The following ENOX1 variants were observed in gnomAD, a reference collection of about 807,000 sequenced individuals.
ENOX1 encodes ecto-NOX disulfide-thiol exchanger 1, also known as candidate growth-related and time keeping constitutive hydroquinone (NADH) oxidase.
ENOX1 carries 42 observed loss-of-function variants against 82.5 expected under a neutral mutation model. The ratio of observed to expected loss-of-function variants is 0.51; its 90% CI spans 0.40 to 0.66. The LOEUF (loss-of-function observed/expected upper bound fraction) is 0.66, where lower values mean the gene tolerates loss of function less well. Among genes scored for constraint, ENOX1 ranks in the 30% least tolerant of loss-of-function variants. The pLI is 0.00. For missense variants in ENOX1, 608 were observed against 811.6 expected (o/e 0.75, Z 3.05); for synonymous variants, 271 against 282.2 (o/e 0.96, Z 0.40).
At chr13:43,354,956 C>T (rs1490741373) in intron 8 of ENOX1, among the ~76,000 whole-genome samples, 1 of 152,216 alleles carries the variant, frequency 6.6e-6, no homozygotes, top group African/African-American at 2.4e-5. Flanking sequence ...GCACTGGCCC[C>T]TGAGTCCCCA....
intron 1 of ENOX1, among the ~76,000 whole-genome samples, chr13:43,777,356 T>A (rs1171552806): frequency 1.3e-5 from 2 of 152,092 alleles, no homozygotes; most frequent in African/African-American, 4.8e-5. Context: ...AATATAATAG[T>A]CCATAAAAGT....
At chr13:43,689,498 G>A (rs2086244636) in intron 1 of ENOX1, among the ~76,000 whole-genome samples, 1 of 152,150 alleles carries the variant, frequency 6.6e-6, no homozygotes, top group South Asian at 2.1e-4. Flanking sequence ...ACATTATTTG[G>A]TGCCTCTGAT....
intron 1 of ENOX1, among the ~76,000 whole-genome samples, chr13:43,761,966 T>C (rs1307261148): frequency 1.3e-5 from 2 of 152,186 alleles, no homozygotes; most frequent in Admixed American, 6.5e-5. Flanking sequence ...TTGTCTGCTT[T>C]TTCTAAACCA....
At chr13:43,312,838 C>T (rs957178453) in intron 11 of ENOX1, among the ~76,000 whole-genome samples, 7 of 152,038 alleles carry the variant, frequency 4.6e-5, no homozygotes, top group African/African-American at 1.5e-4. Context: ...AGCAAATCTC[C>T]TTCTAGGTAG....
At chr13:43,458,599 T>C (rs746110571) in intron 3 of ENOX1, 23 of 152,212 alleles carry the variant, frequency 1.5e-4, no homozygotes, top group Non-Finnish European at 2.9e-4. Context: ...TATATTGCTA[T>C]CTACTTTTAT....
In ENOX1 at chr13:43,781,722, G is replaced by T. The variant is rs545526131; in HGVS notation, c.-285+4930C>A. 3.0e-4 allele frequency among the ~76,000 whole-genome samples: 45 copies of T among 152,232 alleles called. 1 individual carries two copies. The South Asian group carries it at 9.1e-3, about 31-fold the overall frequency. ...GACGGGGTTTCTCCATGTTGGTCAG[G>T]CTGGTCTTGAACTCCCGACATCAGG... is the stretch of plus-strand genomic sequence containing the variant. On this transcript the variant is annotated intron_variant, in intron 1 of 16. Coordinates refer to ENST00000690772, the MANE Select transcript of ENOX1 (RefSeq NM_001347969.2).
intron 2 of ENOX1, among the ~76,000 whole-genome samples, chr13:43,526,139 T>C (rs1240649317): frequency 1.3e-5 from 2 of 152,154 alleles, no homozygotes; most frequent in Non-Finnish European, 2.9e-5. Context: ...TACTATTTGG[T>C]ATCACTTTTC....
At chr13:43,777,248 C>T (rs894980444) in intron 1 of ENOX1, among the ~76,000 whole-genome samples, 12 of 152,238 alleles carry the variant, frequency 7.9e-5, no homozygotes, top group African/African-American at 2.9e-4. Context: ...CTCTGTTACG[C>T]TTTCTTCAGT....
intron 2 of ENOX1, among the ~76,000 whole-genome samples, chr13:43,486,757 T>A (rs2076436357): frequency 1.3e-5 from 2 of 152,196 alleles, no homozygotes; most frequent in South Asian, 4.1e-4. Flanking sequence ...ACTAAAACTG[T>A]ATAACTTAGC....
intron 1 of ENOX1, among the ~76,000 whole-genome samples, chr13:43,743,148 A>T (rs1209216501): frequency 6.6e-6 from 1 of 152,200 alleles, no homozygotes; most frequent in African/African-American, 2.4e-5. Context: ...GAACAAGTTC[A>T]GGGTTGCCCA....
At chr13:43,771,933 ATTTTTTTTTT>A (rs34718451) in intron 1 of ENOX1, among the ~76,000 whole-genome samples, 9 of 101,002 alleles carry the variant, frequency 8.9e-5, no homozygotes, top group African/African-American at 1.6e-4. Context: ...CGCCCGGCTA[ATTTTTTTTTT>A]TTTTTTTTTT....
intron 1 of ENOX1, among the ~76,000 whole-genome samples, chr13:43,785,773 A>T (rs1952545190): frequency 6.6e-6 from 1 of 152,074 alleles, no homozygotes; most frequent in Non-Finnish European, 1.5e-5. Flanking sequence ...CTTCCGAAAG[A>T]GGGCGGGGTT....
At chr13:43,688,872 C>G (rs908066928) in intron 1 of ENOX1, among the ~76,000 whole-genome samples, 3 of 152,126 alleles carry the variant, frequency 2.0e-5, no homozygotes, top group Non-Finnish European at 2.9e-5. Context: ...ACAGTTGGAT[C>G]TCAGTTTCAG....
chr13:43,533,434 T>C (rs557423282), intron 2 of ENOX1, among the ~76,000 whole-genome samples: 7 of 152,224 alleles, frequency 4.6e-5, no homozygotes, highest in African/African-American at 1.2e-4. Context: ...TCTCATGAAG[T>C]CTCTGATATA....
At chr13:43,570,191 T>C (rs2080115038) in intron 2 of ENOX1, among the ~76,000 whole-genome samples, 1 of 152,102 alleles carries the variant, frequency 6.6e-6, no homozygotes, top group Admixed American at 6.6e-5. Context: ...TTTGTTTCAT[T>C]TGGAGATAGT....
intron 2 of ENOX1, among the ~76,000 whole-genome samples, chr13:43,649,265 A>C (rs1314422103): frequency 6.6e-6 from 1 of 152,214 alleles, no homozygotes; most frequent in Non-Finnish European, 1.5e-5. Context: ...TGTCTATAAA[A>C]GTAAAACTAG....
chr13:43,598,756 G>T (rs1246742245), intron 2 of ENOX1, among the ~76,000 whole-genome samples: 1 of 152,036 alleles, frequency 6.6e-6, no homozygotes, highest in Non-Finnish European at 1.5e-5. Context: ...AAAACTATGG[G>T]TCATGTTTAA....
intron 5 of ENOX1, among the ~76,000 whole-genome samples, chr13:43,384,282 C>G (rs915372710): frequency 1.3e-5 from 2 of 152,206 alleles, no homozygotes; most frequent in African/African-American, 4.8e-5. Flanking sequence ...TAAGCTGCCT[C>G]CTTATGGCAA....
Position 43,745,444 on chromosome 13 carries a change from C to T in ENOX1, c.-285+41208G>A, listed in dbSNP as rs188412895. Among the ~76,000 whole-genome samples, 7 of 152,194 alleles carry T rather than the reference C, an allele frequency of 4.6e-5. No homozygotes were observed. The East Asian group carries it at 5.8e-4, about 13-fold the overall frequency. ...AGAAATCAAAACCACTTAAGGAAAA[C>T]GTTAGAATTGTGGACATATCAGTTT... On this transcript the variant is annotated intron_variant, in intron 1 of 16. Coordinates refer to ENST00000690772, the MANE Select transcript of ENOX1 (RefSeq NM_001347969.2).
Sources: allele counts gnomAD v4.1 joint callset (sites outside exome capture counted in the v4.1 genomes callset), GRCh38; gene constraint gnomAD v4.1.1; transcripts MANE v1.5; gene names NCBI Gene and HGNC (gene_info 2026-07-23, HGNC 2026-07-21).